Variants in GADL1 observed in about 807,000 individuals in gnomAD.
GADL1 encodes acidic amino acid decarboxylase GADL1.
Under a neutral mutation model 69.5 loss-of-function variants are expected in GADL1, and 71 were observed. That is an observed-to-expected ratio of 1.02 (90% confidence interval 0.84 to 1.25). The LOEUF is 1.25. Ranked by LOEUF, GADL1 falls within the 50% of genes most tolerant of loss-of-function variation. The probability of loss-of-function intolerance (pLI) is 0.00; values close to 1 mark genes in which losing one functional copy is unlikely to be tolerated. For missense variants in GADL1, 737 were observed against 631.8 expected, an observed-to-expected ratio of 1.17 and a Z score of -1.79; for synonymous variants, 254 against 214.4, an observed-to-expected ratio of 1.18 and a Z score of -1.62.
At chr3:30,819,457 A>G (rs1157232286) in intron 11 of GADL1, among the ~76,000 whole-genome samples, 2 of 152,136 alleles carry the variant, frequency 1.3e-5, no homozygotes, top group Non-Finnish European at 2.9e-5. Flanking sequence ...GGAGGTTAAA[A>G]TCACTTTCAT....
At chr3:30,770,260 C>T (rs544849837) in intron 14 of GADL1, among the ~76,000 whole-genome samples, 10 of 152,316 alleles carry the variant, frequency 6.6e-5, no homozygotes, top group Middle Eastern at 3.4e-3. Flanking sequence ...ATCAGAGACA[C>T]AGTGGTAAGT....
intron 14 of GADL1, among the ~76,000 whole-genome samples, chr3:30,751,798 T>TA (rs36012135): frequency 0.18 from 27,405 of 151,620 alleles, 3,096 homozygotes; most frequent in Non-Finnish European, 0.25. Context: ...TCATAGTTTT[T>TA]AGAGGAAAGT....
At chr3:30,893,298 T>C (rs1208216909) in intron 1 of GADL1, among the ~76,000 whole-genome samples, 1 of 152,222 alleles carries the variant, frequency 6.6e-6, no homozygotes, top group Non-Finnish European at 1.5e-5. Flanking sequence ...TGTACCTGTT[T>C]ATGGGCTACA....
At chr3:30,839,514 C>CAAAAAAAATAAAA (rs1697931853) in intron 8 of GADL1, among the ~76,000 whole-genome samples, 1 of 105,678 alleles carries the variant, frequency 9.5e-6, no homozygotes, top group South Asian at 3.2e-4. Context: ...GTCATCTTCT[C>CAAAAAAAATAAAA]AAAAAAAAAA....
chr3:30,806,024 G>A (rs780485070), intron 11 of GADL1, among the ~76,000 whole-genome samples: 6 of 151,828 alleles, frequency 4.0e-5, no homozygotes, highest in South Asian at 4.2e-4. Flanking sequence ...TGTGTGGCCC[G>A]GTTCCTAACA....
At chr3:30,841,536 T>C (rs758164448) in intron 8 of GADL1, among the ~76,000 whole-genome samples, 2 of 152,070 alleles carry the variant, frequency 1.3e-5, no homozygotes, top group Non-Finnish European at 2.9e-5. Context: ...ATTTTAAAAA[T>C]TGATAAATAA....
intron 14 of GADL1, among the ~76,000 whole-genome samples, chr3:30,762,849 C>A (rs1696174030): frequency 7.2e-6 from 1 of 139,498 alleles, no homozygotes; most frequent in African/African-American, 2.8e-5. Context: ...GTTAGTCTTT[C>A]TTTTCCTTGC....
intron 9 of GADL1, among the ~76,000 whole-genome samples, chr3:30,836,258 C>A (rs867179357): frequency 3.9e-5 from 6 of 152,006 alleles, no homozygotes; most frequent in Middle Eastern, 6.8e-3. Context: ...ACTGCTTCTC[C>A]AAAAAGGTAA....
At chr3:30,831,447 C>T (rs1697791409) in intron 11 of GADL1, among the ~76,000 whole-genome samples, 1 of 151,898 alleles carries the variant, frequency 6.6e-6, no homozygotes, top group African/African-American at 2.4e-5. Flanking sequence ...TTGGCTGCAA[C>T]TAACAGATTA....
chr3:30,838,949 A>G (rs776610088), intron 9 of GADL1, 48 bp downstream of exon 9: 1 of 1,157,344 alleles, frequency 8.6e-7, no homozygotes, highest in South Asian at 1.5e-5. Flanking sequence ...TACCAAGGCT[A>G]CAAAAAGACC....
intron 1 of GADL1, among the ~76,000 whole-genome samples, chr3:30,862,202 G>A (rs1211967021): frequency 6.6e-6 from 1 of 151,838 alleles, no homozygotes; most frequent in African/African-American, 2.4e-5. Context: ...ATATTCATTG[G>A]CATTTCTACA....
intron 14 of GADL1, among the ~76,000 whole-genome samples, chr3:30,732,648 C>A (rs774416859): frequency 1.3e-5 from 2 of 152,182 alleles, no homozygotes; most frequent in Non-Finnish European, 2.9e-5. Flanking sequence ...AAGCTTCTGA[C>A]CAGGCATCAT....
At chr3:30,816,242 C>G (rs759271626) in intron 11 of GADL1, among the ~76,000 whole-genome samples, 1 of 152,020 alleles carries the variant, frequency 6.6e-6, no homozygotes, top group Non-Finnish European at 1.5e-5. Flanking sequence ...GAAAGGCCCC[C>G]TGGAAGAGTT....
At chr3:30,868,565 G>C (rs1575241700) in intron 1 of GADL1, among the ~76,000 whole-genome samples, 1 of 150,988 alleles carries the variant, frequency 6.6e-6, no homozygotes, top group East Asian at 1.9e-4. Context: ...ATGAGTCATT[G>C]AAAGGGTCAA....
chr3:30,849,072 G>A (rs1334307009), intron 6 of GADL1, among the ~76,000 whole-genome samples: 1 of 152,092 alleles, frequency 6.6e-6, no homozygotes, highest in Non-Finnish European at 1.5e-5. Context: ...GTGTTGCCAT[G>A]CCCTTTTATA....
At chr3:30,800,852 GAA>G (rs1491129807) in intron 12 of GADL1, 35 bp downstream of exon 12, 59 of 1,228,146 alleles carry the variant, frequency 4.8e-5, no homozygotes, top group African/African-American at 3.3e-4. Flanking sequence ...CACACACACA[GAA>G]AGAGAGAGAG....
intron 11 of GADL1, among the ~76,000 whole-genome samples, chr3:30,819,099 G>A (rs1575219817): frequency 6.6e-6 from 1 of 151,802 alleles, no homozygotes; most frequent in African/African-American, 2.4e-5. Context: ...AGATTGAGGG[G>A]GAGGCTTCCC....
At chr3:30,823,457 C>A (rs532949120) in intron 11 of GADL1, among the ~76,000 whole-genome samples, 119 of 151,968 alleles carry the variant, frequency 7.8e-4, no homozygotes, top group Non-Finnish European at 1.4e-3. Context: ...CAGGCTATAC[C>A]CTGAAGATCC....
At chr3:30,813,692 T>C (rs1056511550) in intron 11 of GADL1, among the ~76,000 whole-genome samples, 1 of 152,250 alleles carries the variant, frequency 6.6e-6, no homozygotes, top group African/African-American at 2.4e-5. Flanking sequence ...AGGAAAATGC[T>C]ATGCAGGAAT....
Sources: allele counts gnomAD v4.1 joint callset (sites outside exome capture counted in the v4.1 genomes callset), GRCh38; gene constraint gnomAD v4.1.1; transcripts MANE v1.5; gene names NCBI Gene and HGNC (gene_info 2026-07-23, HGNC 2026-07-21).